NEDD4L: variants seen among roughly 807,000 people sequenced by gnomAD.
NEDD4L encodes E3 ubiquitin-protein ligase NEDD4-like.
Under a neutral mutation model 148.9 loss-of-function variants are expected in NEDD4L, and 54 were observed. The observed-to-expected ratio is 0.36, with a 90% confidence interval of 0.29 to 0.45. The LOEUF (loss-of-function observed/expected upper bound fraction) is 0.45, where lower values mean the gene tolerates loss of function less well. Ranked by LOEUF, NEDD4L falls within the 20% of genes least tolerant of loss-of-function variation. The pLI is 1.00. For missense variants in NEDD4L, 856 were observed against 1,233.8 expected, an observed-to-expected ratio of 0.69 and a Z score of 4.59; for synonymous variants, 433 against 440.7, an observed-to-expected ratio of 0.98 and a Z score of 0.22.
At chr18:58,371,255 A>G (rs1271851402) in intron 23 of NEDD4L, among the ~76,000 whole-genome samples, 2 of 125,064 alleles carry the variant, frequency 1.6e-5, no homozygotes, top group East Asian at 2.3e-4. Context: ...AGGTTTCGCT[A>G]TGTTGGCCAG....
At chr18:58,062,726 C>T (rs1012980505) in intron 1 of NEDD4L, among the ~76,000 whole-genome samples, 2 of 152,140 alleles carry the variant, frequency 1.3e-5, no homozygotes, top group Non-Finnish European at 2.9e-5. Flanking sequence ...CGGTGGCTCA[C>T]GCCTATAATC....
At chr18:58,361,081 G>A (rs895669156) in intron 19 of NEDD4L, among the ~76,000 whole-genome samples, 1 of 152,156 alleles carries the variant, frequency 6.6e-6, no homozygotes, top group African/African-American at 2.4e-5. Context: ...TTTAAACAAT[G>A]ACTGTTCTTT....
At chr18:58,112,019 G>T (rs865800774) in intron 1 of NEDD4L, among the ~76,000 whole-genome samples, 2 of 152,130 alleles carry the variant, frequency 1.3e-5, no homozygotes, top group South Asian at 4.1e-4. Context: ...ACCAAACTTA[G>T]ATCACATTTC....
At chr18:58,288,256 CTGTT>C (rs1388693120) in intron 5 of NEDD4L, among the ~76,000 whole-genome samples, 2 of 152,226 alleles carry the variant, frequency 1.3e-5, no homozygotes, top group African/African-American at 2.4e-5. Context: ...GCCGGATTCT[CTGTT>C]TTTTTCCTGC....
At position 58,199,591 on chromosome 18, in the gene NEDD4L, A is replaced by G. The variant is rs116909585; in HGVS notation, c.122+33730A>G. ...AGCCCAGCAGTTTGAGACCATGTTT[A>G]AGTTTAAGTTCATTTAAGTTCTCTG... On this transcript the variant is annotated intron_variant, in intron 2 of 30. Transcript: ENST00000400345. Among the ~76,000 whole-genome samples the G allele has an allele frequency of 2.3e-4, 35 of 152,276 alleles. No homozygotes were observed. The East Asian group carries it at 5.8e-3, about 25-fold the overall frequency.
intron 2 of NEDD4L, among the ~76,000 whole-genome samples, chr18:58,167,352 GCAACACTTTCAGC>G (rs2036984925): frequency 6.6e-6 from 1 of 152,210 alleles, no homozygotes; most frequent in East Asian, 1.9e-4. Context: ...CCCTTTCAGA[GCAACACTTTCAGC>G]CATTTCCATG....
intron 12 of NEDD4L, 47 bp from the exon 13 acceptor site, chr18:58,335,431 G>A (rs753647771): frequency 3.3e-6 from 5 of 1,507,506 alleles, no homozygotes; most frequent in Non-Finnish European, 4.6e-6. Context: ...AGACAGCAGG[G>A]GGTCATCCCC....
chr18:58,165,878 T>A lies in NEDD4L; in HGVS notation c.122+17T>A, dbSNP rs764687544. ...TGGAGCCAGGTATGTTGGCTTTGTT[T>A]TTATTTCTGTGGACTTCTGAAAAAT... On this transcript the variant is annotated intron_variant, in intron 2 of 30. Coordinates refer to ENST00000400345, the MANE Select transcript of NEDD4L (RefSeq NM_001144967.3). 71 of 1,588,286 alleles carry A rather than the reference T, an allele frequency of 4.5e-5. No homozygotes were observed. Among genetic ancestry groups the A allele is most frequent in the Non-Finnish European group, 5.2e-6 (6 of 1,164,244 alleles).
At chr18:58,207,995 G>T (rs1479065628) in intron 2 of NEDD4L, among the ~76,000 whole-genome samples, 3 of 152,000 alleles carry the variant, frequency 2.0e-5, no homozygotes, top group Admixed American at 2.0e-4. Flanking sequence ...GTGAGCCAAG[G>T]TCATGCCACT....
intron 20 of NEDD4L, among the ~76,000 whole-genome samples, chr18:58,365,217 G>T (rs781740543): frequency 3.3e-5 from 5 of 152,206 alleles, no homozygotes; most frequent in African/African-American, 4.8e-5. Flanking sequence ...CTATTGAAAT[G>T]ATTCTTTGCC....
At chr18:58,357,163 G>T (rs958424626) in intron 18 of NEDD4L, 31 bp from the exon 19 acceptor site, 2 of 1,115,316 alleles carry the variant, frequency 1.8e-6, no homozygotes, top group Non-Finnish European at 2.6e-6. Context: ...CTAATGTTCT[G>T]ATTTTTTTTT....
At chr18:58,243,854 T>G (rs937663137) in intron 2 of NEDD4L, among the ~76,000 whole-genome samples, 3 of 152,114 alleles carry the variant, frequency 2.0e-5, no homozygotes, top group African/African-American at 7.2e-5. Context: ...ATAAAAAATA[T>G]TTACTCATAA....
intron 4 of NEDD4L, among the ~76,000 whole-genome samples, chr18:58,250,383 C>T (rs979928603): frequency 4.6e-5 from 7 of 152,108 alleles, no homozygotes; most frequent in Admixed American, 3.3e-4. Context: ...CTCCTGACCT[C>T]GTGATCTGCC....
chr18:58,355,865 T>A (rs903172911), intron 18 of NEDD4L, among the ~76,000 whole-genome samples: 1 of 152,042 alleles, frequency 6.6e-6, no homozygotes, highest in African/African-American at 2.4e-5. Context: ...CTTTTTAAAA[T>A]TCCTAATATG....
At chr18:58,315,438 C>T (rs565300989) in intron 5 of NEDD4L, among the ~76,000 whole-genome samples, 43 of 151,772 alleles carry the variant, frequency 2.8e-4, no homozygotes, top group African/African-American at 1.0e-3. Flanking sequence ...GATCCATATA[C>T]GTGGACTCTG....
At chr18:58,372,830 C>CAAAA (rs11318354) in intron 23 of NEDD4L, among the ~76,000 whole-genome samples, 67 of 132,802 alleles carry the variant, frequency 5.0e-4, no homozygotes, top group African/African-American at 1.8e-3. Context: ...ATCTCAAAAA[C>CAAAA]AAAAAAAAAA....
chr18:58,057,207 T>C (rs1026428055), intron 1 of NEDD4L, among the ~76,000 whole-genome samples: 55 of 151,552 alleles, frequency 3.6e-4, no homozygotes, highest in Non-Finnish European at 1.3e-4. Context: ...AATATGCAGC[T>C]AAGTATTGCA....
At chr18:58,252,866 GC>G (rs1406298718) in intron 5 of NEDD4L, among the ~76,000 whole-genome samples, 1 of 152,098 alleles carries the variant, frequency 6.6e-6, no homozygotes, top group African/African-American at 2.4e-5. Context: ...GAGCCACCAT[GC>G]CTGGCCAGAT....
At chr18:58,305,877 T>G (rs1480460750) in intron 5 of NEDD4L, among the ~76,000 whole-genome samples, 1 of 152,154 alleles carries the variant, frequency 6.6e-6, no homozygotes, top group African/African-American at 2.4e-5. Flanking sequence ...GCCGGGAGAC[T>G]TAGCTTTAAC....
Sources: allele counts gnomAD v4.1 joint callset (sites outside exome capture counted in the v4.1 genomes callset), GRCh38; gene constraint gnomAD v4.1.1; transcripts MANE v1.5; gene names NCBI Gene and HGNC (gene_info 2026-07-23, HGNC 2026-07-21).